VAMP5: variants seen among roughly 807,000 people sequenced by gnomAD.
The protein encoded by VAMP5 is vesicle-associated membrane protein 5.
In VAMP5, 10 loss-of-function variants were observed where a neutral mutation model predicts 8.1. The observed-to-expected ratio is 1.23, with a 90% CI of 0.76 to 2.09. The LOEUF (loss-of-function observed/expected upper bound fraction) is 2.09, where lower values mean the gene tolerates loss of function less well. VAMP5 is among the 30% of genes most tolerant of loss of function. VAMP5 has a pLI of 0.00. For synonymous variants in VAMP5, 62 were observed against 60.6 expected, an observed-to-expected ratio of 1.02 and a Z score of -0.11; for missense variants, 135 against 152.5, an observed-to-expected ratio of 0.89 and a Z score of 0.60.
chr2:85,588,880 C>G (rs1389651237), intron 1 of VAMP5, among the ~76,000 whole-genome samples: 2 of 152,200 alleles, frequency 1.3e-5, no homozygotes, highest in Non-Finnish European at 2.9e-5. Context: ...ATGGCACCCT[C>G]TCTGTGGCAG....
At position 85,592,972 on chromosome 2, in the gene VAMP5, CAG is replaced by C. The variant is rs1317052623; in HGVS notation, c.168_169del (p.Asn57ProfsTer41). 6.2e-7 allele frequency: 1 copy of C among 1,613,966 alleles called. No homozygotes were observed. The highest frequency in any genetic ancestry group is 8.5e-7 in the Non-Finnish European group (1 of 1,180,046). ...DMSSTFNKTT[Q>X]NLAQKKCWEN... ...GAGCTCAACCTTCAACAAGACTACA[CAG>C]AACCTGGCCCAGAAGAAGTGCTGGG... On this transcript the variant is annotated frameshift_variant, in exon 3 of 3. Coordinates refer to ENST00000306384, the MANE Select transcript of VAMP5 (RefSeq NM_006634.3). LOFTEE classifies it low-confidence loss of function (END_TRUNC).
chr2:85,588,095 T>C (rs1672490388), intron 1 of VAMP5, among the ~76,000 whole-genome samples: 1 of 152,132 alleles, frequency 6.6e-6, no homozygotes, highest in Middle Eastern at 3.2e-3. Flanking sequence ...GTTCAAGCAA[T>C]TCTCCTGCCT....
At chr2:85,585,485 T>C (rs568160199) in intron 1 of VAMP5, among the ~76,000 whole-genome samples, 67 of 152,192 alleles carry the variant, frequency 4.4e-4, no homozygotes, top group African/African-American at 1.6e-3. Context: ...GGCAGGAAGG[T>C]AGCACTGAGC....
chr2:85,590,934 AG>A lies in VAMP5; in HGVS notation c.4-790del, dbSNP rs1484874764. 2.0e-5 allele frequency among the ~76,000 whole-genome samples: 3 copies of A among 152,284 alleles called. No individual in the cohort carries two copies. The East Asian group carries it at 5.8e-4, about 29-fold the overall frequency. On this transcript the variant is annotated intron_variant, in intron 1 of 2. Coordinates refer to ENST00000306384, the MANE Select transcript of VAMP5 (RefSeq NM_006634.3). ...GCTTGGATCCAAGACCTCCCTTCCC[AG>A]TCCTCTGAAATGAGCTGGTGTTTTC... is the stretch of plus-strand genomic sequence containing the variant.
Position 85,593,165 on chromosome 2 carries a change from G to A in VAMP5, c.*8G>A. On this transcript the variant is annotated 3_prime_UTR_variant, in exon 3 of 3. Coordinates refer to ENST00000306384, the MANE Select transcript of VAMP5 (RefSeq NM_006634.3). Reference sequence around the variant, plus strand: ...TCAGGGCCTGGGAACTGACCCAGCTGGTCCTGAAGGAGAAGCCAAATGGCT... The same window carrying A: ...TCAGGGCCTGGGAACTGACCCAGCTAGTCCTGAAGGAGAAGCCAAATGGCT... The A allele has an allele frequency of 1.2e-6, 2 of 1,613,994 alleles. No individual in the cohort carries two copies. Among genetic ancestry groups the A allele is most frequent in the Non-Finnish European group, 1.7e-6 (2 of 1,179,994 alleles).
In VAMP5 at chr2:85,591,932, G is replaced by A. The variant is rs551506226; in HGVS notation, c.141+70G>A. On this transcript the variant is annotated intron_variant, in intron 2 of 2. Coordinates refer to ENST00000306384, the MANE Select transcript of VAMP5 (RefSeq NM_006634.3). ...AAAGTCTCTCTTGGGCTGTATTCAG[G>A]ATCTCCAGTTCCTTGGTGGGGTTGA... is the stretch of plus-strand genomic sequence containing the variant. The A allele has an allele frequency of 1.8e-5, 28 of 1,594,844 alleles. No individual in the cohort carries two copies. In the East Asian group the frequency reaches 6.1e-4, roughly 34 times the overall value.
intron 1 of VAMP5, among the ~76,000 whole-genome samples, chr2:85,590,889 T>A (rs532053746): frequency 3.8e-4 from 58 of 152,340 alleles, no homozygotes; most frequent in African/African-American, 1.3e-3. Flanking sequence ...CTCTCTCCCC[T>A]GTCATTTCAA....
intron 2 of VAMP5, among the ~76,000 whole-genome samples, chr2:85,592,735 A>C (rs1030245677): frequency 1.5e-4 from 22 of 146,882 alleles, no homozygotes; most frequent in African/African-American, 5.6e-4. Context: ...CGGGAGGCAG[A>C]GGTTGCAGTG....
rs140168125 is a variant in VAMP5 at position 85,591,093 on chromosome 2, G to A, written c.4-632G>A. Among the ~76,000 whole-genome samples, 522 of 152,362 alleles carry A rather than the reference G, an allele frequency of 3.4e-3. 2 individuals are homozygous for A. Among genetic ancestry groups the A allele is most frequent in the Non-Finnish European group, 5.4e-3 (367 of 68,040 alleles). ...ACCGGTACCACTGAGGTTCCCAGAC[G>A]GAGAGGGAAGTTGGAGCAGTGATAT... On this transcript the variant is annotated intron_variant, in intron 1 of 2. Transcript: ENST00000306384.
At chr2:85,587,993 T>C (rs538369671) in intron 1 of VAMP5, among the ~76,000 whole-genome samples, 1 of 152,142 alleles carries the variant, frequency 6.6e-6, no homozygotes, top group East Asian at 1.9e-4. Flanking sequence ...TTGTTTTTGT[T>C]TCTTTGTTTT....
intron 1 of VAMP5, 70 bp downstream of exon 1, chr2:85,584,563 A>T (rs2104041402): frequency 1.6e-6 from 2 of 1,231,764 alleles, no homozygotes; most frequent in Non-Finnish European, 1.0e-6. Flanking sequence ...GGGAGAGAGG[A>T]GTCCAAAGTC....
chr2:85,592,541 G>A (rs975988510), intron 2 of VAMP5, among the ~76,000 whole-genome samples: 3 of 151,934 alleles, frequency 2.0e-5, no homozygotes, highest in East Asian at 1.9e-4. Flanking sequence ...GGTGTCTCAC[G>A]CCTGTAATCC....
intron 1 of VAMP5, 117 bp downstream of exon 1, chr2:85,584,610 A>G: frequency 2.5e-6 from 3 of 1,179,494 alleles, no homozygotes; most frequent in Non-Finnish European, 3.2e-6. Flanking sequence ...CACGAGGGCC[A>G]GACCTGAGGC....
rs14242 is a variant in VAMP5 at position 85,593,289 on chromosome 2, C to T, written c.*132C>T. On this transcript the variant is annotated 3_prime_UTR_variant, in exon 3 of 3. Coordinates refer to ENST00000306384, the MANE Select transcript of VAMP5 (RefSeq NM_006634.3). Reference sequence around the variant, plus strand: ...GGCAGCCCCAACATGTGCACCCCTGCATTTCCTGTCATGCCACAGACTGGC... The same window carrying T: ...GGCAGCCCCAACATGTGCACCCCTGTATTTCCTGTCATGCCACAGACTGGC... 52,383 of 938,790 alleles carry T rather than the reference C, an allele frequency of 0.056. 3,600 individuals are homozygous for T. The highest frequency in any genetic ancestry group is 0.32 in the East Asian group (11,992 of 37,902). The allele number at this position is 938,790 out of a possible 1,614,324, so 58.2% of individuals were successfully genotyped here. A position where few individuals can be genotyped will look rare whatever the true frequency, so the allele number is the denominator to read the frequency against.
intron 1 of VAMP5, chr2:85,591,466 G>A (rs1240229726): frequency 2.2e-6 from 1 of 460,036 alleles, no homozygotes; most frequent in African/African-American, 2.0e-5. Flanking sequence ...AGGAAGCTGA[G>A]GTGCTGGAAG....
intron 1 of VAMP5, among the ~76,000 whole-genome samples, chr2:85,588,269 G>A (rs1054397650): frequency 4.6e-5 from 7 of 152,162 alleles, no homozygotes; most frequent in Admixed American, 2.6e-4. Flanking sequence ...TGAGAACTGC[G>A]TTTTCATAGG....
chr2:85,586,798 G>A (rs1364895500), intron 1 of VAMP5, among the ~76,000 whole-genome samples: 2 of 152,148 alleles, frequency 1.3e-5, no homozygotes, highest in African/African-American at 4.8e-5. Flanking sequence ...GCAGCCGGGC[G>A]CGGTGGCTCA....
chr2:85,591,972 C>CCTCAA, intron 2 of VAMP5, 110 bp downstream of exon 2: 2 of 1,511,940 alleles, frequency 1.3e-6, no homozygotes, highest in Non-Finnish European at 1.8e-6. Context: ...TTCTTGAGGG[C>CCTCAA]CAGTGTGGGG....
intron 1 of VAMP5, among the ~76,000 whole-genome samples, chr2:85,590,227 A>G (rs919399825): frequency 3.9e-5 from 6 of 152,148 alleles, no homozygotes; most frequent in African/African-American, 1.4e-4. Flanking sequence ...TGGGTTTCAA[A>G]TGCCTGCCCC....
Sources: gnomAD v4.1 joint callset for allele counts (sites outside exome capture counted in the v4.1 genomes callset) on GRCh38, gnomAD v4.1.1 for gene constraint, MANE v1.5 for transcripts, NCBI Gene and HGNC (gene_info 2026-07-23, HGNC 2026-07-21) for gene names.